The following CSMD3 variants were observed in gnomAD, a reference collection of about 807,000 sequenced individuals.
CSMD3 encodes CUB and sushi domain-containing protein 3.
A neutral mutation model predicts 435.2 loss-of-function variants in CSMD3; 177 were observed. The ratio of observed to expected loss-of-function variants is 0.41; its 90% CI spans 0.36 to 0.46. The LOEUF (loss-of-function observed/expected upper bound fraction) is 0.46. Ranked by LOEUF, CSMD3 falls within the 20% of genes least tolerant of loss-of-function variation. CSMD3 has a pLI of 0.34. For synonymous variants in CSMD3, 1,656 were observed against 1,520.5 expected, an observed-to-expected ratio of 1.09 and a Z score of -2.07; for missense variants, 4,265 against 4,504.6, an observed-to-expected ratio of 0.95 and a Z score of 1.52.
At chr8:112,297,110 GA>G (rs1169798025) in intron 53 of CSMD3, among the ~76,000 whole-genome samples, 2 of 147,378 alleles carry the variant, frequency 1.4e-5, no homozygotes, top group African/African-American at 5.1e-5. Flanking sequence ...CCTTCCCACG[GA>G]TTTTTTTTTT....
At chr8:112,638,124 G>A (rs1051439417) in intron 21 of CSMD3, among the ~76,000 whole-genome samples, 4 of 150,384 alleles carry the variant, frequency 2.7e-5, no homozygotes, top group African/African-American at 9.7e-5. Flanking sequence ...GAAGAAAGGA[G>A]TAACTATGTT....
At chr8:113,289,819 TC>T (rs1461438338) in intron 2 of CSMD3, among the ~76,000 whole-genome samples, 1 of 151,732 alleles carries the variant, frequency 6.6e-6, no homozygotes, top group Non-Finnish European at 1.5e-5. Flanking sequence ...GCTTTGCATT[TC>T]CCATATTGAC....
At chr8:112,425,590 T>A (rs753106781) in intron 32 of CSMD3, among the ~76,000 whole-genome samples, 27 of 152,318 alleles carry the variant, frequency 1.8e-4, no homozygotes, top group Non-Finnish European at 3.4e-4. Flanking sequence ...CTTATGCTGC[T>A]AACATTCATA....
At chr8:112,353,163 G>A (rs1826289690) in intron 38 of CSMD3, among the ~76,000 whole-genome samples, 1 of 152,136 alleles carries the variant, frequency 6.6e-6, no homozygotes. Context: ...GGCTGAGGTG[G>A]GTGGATCACC....
At chr8:113,018,985 C>T (rs2086579870) in intron 6 of CSMD3, 82 bp downstream of exon 6, 6 of 931,972 alleles carry the variant, frequency 6.4e-6, no homozygotes, top group Admixed American at 3.4e-5. Context: ...ATGCTAAAGA[C>T]ATTTTTCTAT....
At chr8:112,556,659 T>G (rs1423877726) in intron 25 of CSMD3, 104 bp downstream of exon 25, 16 of 853,396 alleles carry the variant, frequency 1.9e-5, no homozygotes, top group Non-Finnish European at 2.7e-5. Context: ...TTTCTCGATA[T>G]AAAGTGTTAG....
intron 23 of CSMD3, among the ~76,000 whole-genome samples, chr8:112,585,208 A>T (rs994577446): frequency 6.6e-6 from 1 of 151,596 alleles, no homozygotes; most frequent in Non-Finnish European, 1.5e-5. Flanking sequence ...ATCTCAGGCA[A>T]GCCTATGAAT....
At chr8:113,109,216 C>T (rs955655417) in intron 4 of CSMD3, among the ~76,000 whole-genome samples, 6 of 152,210 alleles carry the variant, frequency 3.9e-5, no homozygotes, top group African/African-American at 1.4e-4. Context: ...AATTCTGGCC[C>T]TGAAAAATTA....
chr8:112,332,281 ACC>A (rs1824140120), intron 45 of CSMD3, among the ~76,000 whole-genome samples: 1 of 149,102 alleles, frequency 6.7e-6, no homozygotes, highest in South Asian at 2.1e-4. Flanking sequence ...GGCAGTGATC[ACC>A]ATGAGTTCAA....
chr8:112,475,622 T>C (rs1818969372), intron 31 of CSMD3, among the ~76,000 whole-genome samples: 1 of 151,906 alleles, frequency 6.6e-6, no homozygotes, highest in Non-Finnish European at 1.5e-5. Flanking sequence ...CAAAAGTAAT[T>C]GCGGTTTTGG....
Position 112,306,143 on chromosome 8 carries a change from T to G in CSMD3, c.7935A>C (p.Thr2645=). The G allele has an allele frequency of 6.2e-7, 1 of 1,613,764 alleles. No homozygotes were observed. The highest frequency in any genetic ancestry group is 1.1e-5 in the South Asian group (1 of 91,078). Residue 2645 remains threonine, a synonymous_variant, in exon 51 of 71, where the codon ACA becomes ACC. Coordinates refer to ENST00000297405, the MANE Select transcript of CSMD3 (RefSeq NM_198123.2). The part of the protein sequence containing the change: ...PKAPTNGGIL[T]TDYLVGTRVT... Reference sequence around the variant, plus strand: ...CTCGCGTTCCTACCAAATAGTCTGTTGTTAGTATTCCTCCATTTGTTGGAG... The same window carrying G: ...CTCGCGTTCCTACCAAATAGTCTGTGGTTAGTATTCCTCCATTTGTTGGAG...
At chr8:113,420,304 A>T (rs2094603620) in intron 1 of CSMD3, among the ~76,000 whole-genome samples, 1 of 152,130 alleles carries the variant, frequency 6.6e-6, no homozygotes, top group Admixed American at 6.5e-5. Flanking sequence ...GCACTTACTA[A>T]ATGAAGGAGG....
intron 22 of CSMD3, among the ~76,000 whole-genome samples, chr8:112,595,027 C>T (rs1461738447): frequency 6.6e-6 from 1 of 152,090 alleles, no homozygotes; most frequent in Non-Finnish European, 1.5e-5. Flanking sequence ...ATGACTTTGA[C>T]GAGCTGAGAG....
chr8:113,030,416 G>GT lies in CSMD3; in HGVS notation c.918-11238dup, dbSNP rs1209471177. Reference sequence around the variant, plus strand: ...TAGTCACCAAAACACTTTGGTACTGGTAAAAAAAAAAAAAAAAAAAAAAAA... The same window carrying GT: ...TAGTCACCAAAACACTTTGGTACTGGTTAAAAAAAAAAAAAAAAAAAAAAAA... On this transcript the variant is annotated intron_variant, in intron 5 of 70. Transcript: ENST00000297405. Among the ~76,000 whole-genome samples, 28 of 31,172 alleles carry GT rather than the reference G, an allele frequency of 9.0e-4. 1 individual carries two copies. Among genetic ancestry groups the GT allele is most frequent in the Non-Finnish European group, 1.2e-3 (26 of 22,594 alleles). The allele number at this position is 31,172 out of a possible 152,430, so 20.5% of individuals were successfully genotyped here.
intron 1 of CSMD3, among the ~76,000 whole-genome samples, chr8:113,405,791 A>G (rs2094530047): frequency 6.6e-6 from 1 of 151,868 alleles, no homozygotes; most frequent in African/African-American, 2.4e-5. Flanking sequence ...CAAATGAGAA[A>G]GGAAATTTTC....
chr8:113,420,690 G>C (rs1004876200), intron 1 of CSMD3, among the ~76,000 whole-genome samples: 1 of 152,104 alleles, frequency 6.6e-6, no homozygotes, highest in East Asian at 1.9e-4. Flanking sequence ...GCTCATGCCT[G>C]TAATCCCAGC....
intron 9 of CSMD3, among the ~76,000 whole-genome samples, chr8:112,943,316 A>G (rs1467073151): frequency 6.6e-6 from 1 of 151,576 alleles, no homozygotes; most frequent in Non-Finnish European, 1.5e-5. Flanking sequence ...TATAGAGCAG[A>G]TATTTTAATT....
At chr8:112,926,800 A>G (rs185491709) in intron 9 of CSMD3, among the ~76,000 whole-genome samples, 19 of 152,214 alleles carry the variant, frequency 1.2e-4, no homozygotes, top group Admixed American at 1.1e-3. Context: ...AAAAAAGCAG[A>G]GGAGGAATGA....
chr8:112,231,574 T>A lies in CSMD3; in HGVS notation c.10799A>T (p.Asp3600Val), dbSNP rs768606491. 3 of 1,612,038 alleles carry A rather than the reference T, an allele frequency of 1.9e-6. No individual in the cohort carries two copies. The highest frequency in any genetic ancestry group is 2.2e-5 in the East Asian group (1 of 44,722). ...YVFQGFIQGK[D>V]YGQFGLQRLG... Reference sequence around the variant, plus strand: ...TCTTTGTAGGCCAAATTGTCCATAATCTTTGCCTTGAATAAATCCTTGAAA... The same window carrying A: ...TCTTTGTAGGCCAAATTGTCCATAAACTTTGCCTTGAATAAATCCTTGAAA... Residue 3600 changes from aspartate (D) to valine (V), a missense_variant, in exon 69 of 71, where the codon GAT (aspartate) becomes GTT (valine). By Grantham distance (152) the Asp-to-Val change is radical (BLOSUM62 -3). Transcript: ENST00000297405.
Sources: allele counts gnomAD v4.1 joint callset (sites outside exome capture counted in the v4.1 genomes callset), GRCh38; gene constraint gnomAD v4.1.1; transcripts MANE v1.5; gene names NCBI Gene and HGNC (gene_info 2026-07-23, HGNC 2026-07-21).